USH2A: variants seen among roughly 807,000 people sequenced by gnomAD.
The protein encoded by USH2A is Usher syndrome 2A (autosomal recessive, mild).
A neutral mutation model predicts 538.9 loss-of-function variants in USH2A; 443 were observed. The observed-to-expected ratio is 0.82, with a 90% CI of 0.76 to 0.89. The LOEUF (loss-of-function observed/expected upper bound fraction) is 0.89. Among genes scored for constraint, USH2A ranks in the 40% least tolerant of loss-of-function variants. USH2A has a pLI of 0.00. For missense variants in USH2A, 6,633 were observed against 6,324.8 expected, an observed-to-expected ratio of 1.05 and a Z score of -1.65; for synonymous variants, 2,413 against 2,273.5, an observed-to-expected ratio of 1.06 and a Z score of -1.75.
intron 58 of USH2A, among the ~76,000 whole-genome samples, chr1:215,757,567 A>G (rs1660849347): frequency 6.6e-6 from 1 of 152,186 alleles, no homozygotes; most frequent in African/African-American, 2.4e-5. Flanking sequence ...ACTAGATATT[A>G]AAAATAAAGT....
chr1:215,904,809 A>C (rs1348683802), intron 38 of USH2A, among the ~76,000 whole-genome samples: 2 of 152,146 alleles, frequency 1.3e-5, no homozygotes, highest in Non-Finnish European at 2.9e-5. Flanking sequence ...TGGGTTTTTA[A>C]TAAAATTTCA....
In USH2A at chr1:216,046,459, T is replaced by G; in HGVS notation, c.6297A>C (p.Ser2099=). The change falls in exon 32 of 72, where the codon TCA becomes TCC. Residue 2099 remains serine (S), a synonymous_variant. Coordinates refer to ENST00000307340, the MANE Select transcript of USH2A (RefSeq NM_206933.4). ...CLYMDGRLIY[S]GSEENYIVTD... ...TGACTATGTAGTTCTCCTCACTGCC[T>G]GAATAGATCAGCCTCCCATCCATGT... 1 of 1,613,566 alleles carries G rather than the reference T, an allele frequency of 6.2e-7. No individual in the cohort carries two copies.
At chr1:215,786,571 G>T in intron 52 of USH2A, 99 bp downstream of exon 52, 1 of 1,321,078 alleles carries the variant, frequency 7.6e-7, no homozygotes, top group Non-Finnish European at 1.1e-6. Context: ...ACTGATATCA[G>T]TTTAAGGAGA....
At chr1:216,020,705 G>A (rs1043102769) in intron 32 of USH2A, among the ~76,000 whole-genome samples, 10 of 152,230 alleles carry the variant, frequency 6.6e-5, no homozygotes, top group South Asian at 2.1e-4. Flanking sequence ...ATCAGCAACC[G>A]CTTGGGAGAA....
At chr1:216,271,379 A>T (rs184794875) in intron 11 of USH2A, among the ~76,000 whole-genome samples, 1 of 152,012 alleles carries the variant, frequency 6.6e-6, no homozygotes, top group African/African-American at 2.4e-5. Flanking sequence ...TACGAAGGAG[A>T]GTAGTGTGAG....
chr1:216,220,537 T>G (rs1381325842), intron 14 of USH2A, among the ~76,000 whole-genome samples: 1 of 150,916 alleles, frequency 6.6e-6, no homozygotes, highest in Non-Finnish European at 1.5e-5. Context: ...AGGAGATGCT[T>G]GGGCTGAACG....
intron 21 of USH2A, among the ~76,000 whole-genome samples, chr1:216,117,984 G>A (rs1205181257): frequency 6.6e-6 from 1 of 151,934 alleles, no homozygotes; most frequent in African/African-American, 2.4e-5. Context: ...AAAAAAAAGT[G>A]TGGGAAGGGG....
intron 14 of USH2A, among the ~76,000 whole-genome samples, chr1:216,220,352 G>A (rs987490971): frequency 2.0e-5 from 3 of 149,946 alleles, no homozygotes; most frequent in African/African-American, 7.4e-5. Context: ...ATGTAGAGAT[G>A]AATCTTATAG....
Position 215,876,996 on chromosome 1 carries a change from C to G in USH2A, c.8681+762G>C, listed in dbSNP as rs73090751. Among the ~76,000 whole-genome samples the G allele has an allele frequency of 3.6e-3, 553 of 152,138 alleles. 2 individuals carry two copies. The highest frequency in any genetic ancestry group is 0.012 in the African/African-American group (513 of 41,504). On this transcript the variant is annotated intron_variant, in intron 43 of 71. Coordinates refer to ENST00000307340, the MANE Select transcript of USH2A (RefSeq NM_206933.4). Reference sequence around the variant, plus strand: ...TAGAAAAGTTACTGAAACATATGATCGAGGAGTTTTCATAAAATAACGTTC... The same window carrying G: ...TAGAAAAGTTACTGAAACATATGATGGAGGAGTTTTCATAAAATAACGTTC...
intron 16 of USH2A, 61 bp from the exon 17 acceptor site, chr1:216,200,182 G>T: frequency 6.6e-7 from 1 of 1,517,126 alleles, no homozygotes; most frequent in Non-Finnish European, 9.0e-7. Flanking sequence ...AAGAATCATT[G>T]CTAACTGCTT....
At chr1:215,905,032 TAAGAA>T (rs1346066861) in intron 38 of USH2A, among the ~76,000 whole-genome samples, 1 of 152,040 alleles carries the variant, frequency 6.6e-6, no homozygotes, top group East Asian at 1.9e-4. Context: ...TAAACTTCTC[TAAGAA>T]AACAAAACAA....
At chr1:215,783,067 T>A (rs1661693749) in intron 52 of USH2A, 132 bp from the exon 53 acceptor site, 2 of 740,832 alleles carry the variant, frequency 2.7e-6, no homozygotes, top group African/African-American at 1.8e-5. Flanking sequence ...TGTATATAAA[T>A]AAAACTCTAA....
In USH2A at chr1:216,156,540, T is replaced by C. The variant is rs150646023; in HGVS notation, c.4627+18712A>G. On this transcript the variant is annotated intron_variant, in intron 21 of 71. Transcript: ENST00000307340. ...CATTTACAAAATAAATCTACACTTA[T>C]AAACTCCTCTCAGACTAATTTATAA... 8.2e-3 allele frequency among the ~76,000 whole-genome samples: 1,255 copies of C among 152,302 alleles called. 17 individuals carry two copies. Among genetic ancestry groups the C allele is most frequent in the African/African-American group, 0.029 (1,223 of 41,564 alleles).
chr1:215,693,092 A>ATATGTGTGTGTG lies in USH2A; in HGVS notation c.12067-12717_12067-12716insCACACACACATA, dbSNP rs371000210. ...TTTGTGTGTGTATATATATATATAT[A>ATATGTGTGTGTG]TGTGTGTGTGTGTGTGTGTATGTGT... is the stretch of plus-strand genomic sequence containing the variant. On this transcript the variant is annotated intron_variant, in intron 61 of 71. Transcript: ENST00000307340. Among the ~76,000 whole-genome samples, 8 of 131,680 alleles carry ATATGTGTGTGTG rather than the reference A, an allele frequency of 6.1e-5. No individual in the cohort carries two copies. The East Asian group carries it at 9.2e-4, about 15-fold the overall frequency. 86.4% of individuals were successfully genotyped at this position (131,680 alleles called of 152,430 possible). A position where few individuals can be genotyped will look rare whatever the true frequency, so the allele number is the denominator to read the frequency against.
chr1:215,876,232 A>G (rs746792952), intron 43 of USH2A, among the ~76,000 whole-genome samples: 4 of 152,196 alleles, frequency 2.6e-5, no homozygotes, highest in Non-Finnish European at 5.9e-5. Flanking sequence ...GATAAGCAAC[A>G]TGGATCTGCT....
intron 9 of USH2A, among the ~76,000 whole-genome samples, chr1:216,317,386 C>T (rs2037528277): frequency 6.6e-6 from 1 of 151,910 alleles, no homozygotes; most frequent in African/African-American, 2.4e-5. Context: ...ACATTGGGGC[C>T]TCTTAGGGAT....
chr1:215,837,845 T>C, intron 47 of USH2A, 146 bp downstream of exon 47: 1 of 718,442 alleles, frequency 1.4e-6, no homozygotes, highest in South Asian at 1.6e-5. Context: ...TTAATATCTG[T>C]GAAATAATAT....
chr1:216,267,039 C>T (rs1024731402), intron 11 of USH2A, among the ~76,000 whole-genome samples: 11 of 151,996 alleles, frequency 7.2e-5, no homozygotes, highest in Middle Eastern at 3.4e-3. Flanking sequence ...AGTAAAATAT[C>T]ACCAAGGGCG....
intron 9 of USH2A, among the ~76,000 whole-genome samples, chr1:216,298,852 T>A (rs2037157147): frequency 6.6e-6 from 1 of 151,876 alleles, no homozygotes; most frequent in Admixed American, 6.6e-5. Flanking sequence ...ACTTTTTTTT[T>A]TTTTTTGAGA....
Sources: gnomAD v4.1 joint callset for allele counts (sites outside exome capture counted in the v4.1 genomes callset) on GRCh38, gnomAD v4.1.1 for gene constraint, MANE v1.5 for transcripts, NCBI Gene and HGNC (gene_info 2026-07-23, HGNC 2026-07-21) for gene names.